PHACTR1: variants seen among roughly 807,000 people sequenced by gnomAD.
PHACTR1 encodes phosphatase and actin regulator 1.
PHACTR1 carries 16 observed loss-of-function variants against 69.2 expected under a neutral mutation model. The ratio of observed to expected loss-of-function variants is 0.23; its 90% CI spans 0.16 to 0.35. The LOEUF (loss-of-function observed/expected upper bound fraction) is 0.35. Ranked by LOEUF, PHACTR1 falls within the 10% of genes least tolerant of loss-of-function variation. The pLI is 1.00. For missense variants in PHACTR1, 510 were observed against 734.7 expected, an observed-to-expected ratio of 0.69 and a Z score of 3.54; for synonymous variants, 312 against 284.5, an observed-to-expected ratio of 1.10 and a Z score of -0.97.
intron 3 of PHACTR1, among the ~76,000 whole-genome samples, chr6:12,737,037 TAC>T (rs34916345): frequency 0.21 from 32,632 of 151,838 alleles, 4,269 homozygotes; most frequent in East Asian, 0.61. Flanking sequence ...TACCCATATA[TAC>T]ACACACATTC....
At chr6:12,922,027 A>G (rs1787776018) in intron 4 of PHACTR1, among the ~76,000 whole-genome samples, 1 of 152,220 alleles carries the variant, frequency 6.6e-6, no homozygotes, top group African/African-American at 2.4e-5. Context: ...CACAGTAAAA[A>G]CAAGTATCAA....
At chr6:13,097,258 A>G (rs1402322324) in intron 5 of PHACTR1, among the ~76,000 whole-genome samples, 3 of 152,360 alleles carry the variant, frequency 2.0e-5, no homozygotes, top group South Asian at 2.1e-4. Context: ...GAAAATGGAA[A>G]GCATTGTGCT....
chr6:13,056,561 C>A (rs999637066), intron 5 of PHACTR1, among the ~76,000 whole-genome samples: 2 of 147,080 alleles, frequency 1.4e-5, no homozygotes, highest in African/African-American at 2.7e-5. Flanking sequence ...AAAAGTTATT[C>A]ATTGACACTT....
chr6:12,748,187 G>A (rs1766054448), intron 3 of PHACTR1, among the ~76,000 whole-genome samples: 1 of 152,202 alleles, frequency 6.6e-6, no homozygotes, highest in Admixed American at 6.5e-5. Context: ...TTATGGTACA[G>A]ATAGAGGAAG....
At chr6:13,262,548 C>CTA (rs1485308565) in intron 10 of PHACTR1, among the ~76,000 whole-genome samples, 1 of 152,136 alleles carries the variant, frequency 6.6e-6, no homozygotes, top group African/African-American at 2.4e-5. Context: ...AAATGAGCAT[C>CTA]TATTATGCTC....
At chr6:12,863,066 G>A (rs1325288006) in intron 4 of PHACTR1, among the ~76,000 whole-genome samples, 1 of 152,162 alleles carries the variant, frequency 6.6e-6, no homozygotes, top group Non-Finnish European at 1.5e-5. Context: ...TCCATTAAAG[G>A]GCTTTATGAA....
chr6:13,025,486 T>G (rs2127677014), intron 4 of PHACTR1, among the ~76,000 whole-genome samples: 1 of 152,272 alleles, frequency 6.6e-6, no homozygotes, highest in South Asian at 2.1e-4. Flanking sequence ...AGTTTAAAAG[T>G]TGTTCCCTGC....
intron 10 of PHACTR1, among the ~76,000 whole-genome samples, chr6:13,239,410 T>C (rs12527775): frequency 0.16 from 23,856 of 152,158 alleles, 2,948 homozygotes; most frequent in African/African-American, 0.32. Context: ...TTTTGAGAGC[T>C]CTTTGGGAAT....
At chr6:12,923,781 A>T (rs780318501) in intron 4 of PHACTR1, among the ~76,000 whole-genome samples, 2 of 152,240 alleles carry the variant, frequency 1.3e-5, no homozygotes, top group Admixed American at 6.5e-5. Flanking sequence ...GTCAGGTAAC[A>T]TTAGACACGA....
intron 8 of PHACTR1, among the ~76,000 whole-genome samples, chr6:13,218,069 GTCTT>G (rs1303255430): frequency 6.6e-6 from 1 of 152,156 alleles, no homozygotes; most frequent in African/African-American, 2.4e-5. Flanking sequence ...GGAGATTAAT[GTCTT>G]TCTTTTTTTT....
chr6:13,195,281 A>G (rs1203566129), intron 7 of PHACTR1, among the ~76,000 whole-genome samples: 2 of 152,122 alleles, frequency 1.3e-5, no homozygotes, highest in African/African-American at 2.4e-5. Flanking sequence ...TGGAGTACCT[A>G]TAGCTAAGGT....
In PHACTR1 at chr6:12,789,676, T is replaced by C. The variant is rs1771993251; in HGVS notation, c.250+39886T>C. Among the ~76,000 whole-genome samples, 6 of 152,292 alleles carry C rather than the reference T, an allele frequency of 3.9e-5. No individual in the cohort carries two copies. The South Asian group carries it at 1.2e-3, about 32-fold the overall frequency. ...CCCTCAGGTTTCCCATCCCAGTCGA[T>C]GGCTACTCCATCTTTCTGCGTACTT... On this transcript the variant is annotated intron_variant, in intron 4 of 14. Coordinates refer to ENST00000332995, the MANE Select transcript of PHACTR1 (RefSeq NM_030948.6).
At chr6:13,188,046 C>T (rs561429225) in intron 7 of PHACTR1, among the ~76,000 whole-genome samples, 1 of 152,316 alleles carries the variant, frequency 6.6e-6, no homozygotes, top group East Asian at 1.9e-4. Context: ...CAATTGGCCC[C>T]ATCTCTCTGG....
At chr6:12,928,684 G>A (rs1478706480) in intron 4 of PHACTR1, among the ~76,000 whole-genome samples, 3 of 144,816 alleles carry the variant, frequency 2.1e-5, no homozygotes, top group Non-Finnish European at 3.0e-5. Flanking sequence ...GGCAGGCATC[G>A]TGGTAGGGGG....
chr6:12,745,515 C>T (rs1765666960), intron 3 of PHACTR1, among the ~76,000 whole-genome samples: 1 of 151,984 alleles, frequency 6.6e-6, no homozygotes, highest in African/African-American at 2.4e-5. Context: ...CATATTCACA[C>T]ATATAAACAA....
intron 4 of PHACTR1, among the ~76,000 whole-genome samples, chr6:12,770,190 G>A (rs1450439785): frequency 1.3e-5 from 2 of 152,144 alleles, no homozygotes; most frequent in Non-Finnish European, 2.9e-5. Flanking sequence ...TCCAGAGTGG[G>A]GATAGCAAGA....
chr6:12,741,821 C>T (rs1179521840), intron 3 of PHACTR1, among the ~76,000 whole-genome samples: 1 of 151,672 alleles, frequency 6.6e-6, no homozygotes, highest in African/African-American at 2.4e-5. Flanking sequence ...ACATTGAACC[C>T]ATAGGTCAAT....
At chr6:12,742,139 G>T (rs1293326026) in intron 3 of PHACTR1, among the ~76,000 whole-genome samples, 1 of 152,122 alleles carries the variant, frequency 6.6e-6, no homozygotes, top group African/African-American at 2.4e-5. Flanking sequence ...GAAAGCAAAG[G>T]AATAAAAGAA....
At chr6:13,202,387 C>G (rs9296622) in intron 7 of PHACTR1, among the ~76,000 whole-genome samples, 47,844 of 151,904 alleles carry the variant, frequency 0.31, 9,309 homozygotes, top group Non-Finnish European at 0.44. Flanking sequence ...CTTAGAGAAT[C>G]AGAGTCTTCA....
Sources: gnomAD v4.1 joint callset for allele counts (sites outside exome capture counted in the v4.1 genomes callset) on GRCh38, gnomAD v4.1.1 for gene constraint, MANE v1.5 for transcripts, NCBI Gene and HGNC (gene_info 2026-07-23, HGNC 2026-07-21) for gene names.